SHANK2: variants seen among roughly 807,000 people sequenced by gnomAD.
SHANK2 encodes the protein SH3 and multiple ankyrin repeat domains 2.
Under a neutral mutation model 133.7 loss-of-function variants are expected in SHANK2, and 43 were observed. That is an observed-to-expected ratio of 0.32 (90% CI 0.25 to 0.41). The LOEUF (loss-of-function observed/expected upper bound fraction) is 0.41, where lower values mean the gene tolerates loss of function less well. SHANK2 is among the 10% of genes least tolerant of loss of function. The pLI is 1.00. For missense variants in SHANK2, 1,994 were observed against 2,235.8 expected (o/e 0.89, Z 2.18); for synonymous variants, 1,017 against 952.8 (o/e 1.07, Z -1.24).
In SHANK2 at chr11:70,515,637, G is replaced by GAAAAAAAAAA. The variant is rs58440823; in HGVS notation, c.2062-12716_2062-12707dup. Among the ~76,000 whole-genome samples the GAAAAAAAAAA allele has an allele frequency of 1.4e-3, 112 of 79,954 alleles. 3 individuals carry two copies. Among genetic ancestry groups the GAAAAAAAAAA allele is most frequent in the African/African-American group, 5.7e-3 (106 of 18,444 alleles). The allele number at this position is 79,954 out of a possible 152,430, so 52.5% of individuals were successfully genotyped here. On this transcript the variant is annotated intron_variant, in intron 17 of 25. Transcript: ENST00000601538. ...GCAGCATAGTGAGACCTCGTTCCTT[G>GAAAAAAAAAA]AAAAAAAAAAAAAAAAAAAAAAACA... is the stretch of plus-strand genomic sequence containing the variant.
At chr11:70,492,119 G>A (rs571475803) in intron 22 of SHANK2, among the ~76,000 whole-genome samples, 15 of 152,320 alleles carry the variant, frequency 9.8e-5, no homozygotes, top group East Asian at 3.9e-4. Flanking sequence ...CTGAGTGAGC[G>A]GTAAGGGCAG....
intron 1 of SHANK2, among the ~76,000 whole-genome samples, chr11:71,246,263 G>A (rs909674306): frequency 4.4e-4 from 67 of 152,172 alleles, no homozygotes; most frequent in African/African-American, 1.5e-3. Flanking sequence ...AGTGGACCAG[G>A]GAGCAGACTG....
chr11:70,757,340 G>C lies in SHANK2; in HGVS notation c.1777+41103C>G, dbSNP rs931858067. On this transcript the variant is annotated intron_variant, in intron 14 of 25. Coordinates refer to ENST00000601538, the MANE Select transcript of SHANK2 (RefSeq NM_012309.5). ...CAACCATATCAACCCATGCAGATAA[G>C]AGTGAGCATAGCAGGCCTGTGGCTG... 2.0e-5 allele frequency among the ~76,000 whole-genome samples: 3 copies of C among 152,230 alleles called. 1 individual carries two copies. Among genetic ancestry groups the C allele is most frequent in the South Asian group, 4.1e-4 (2 of 4,832 alleles).
intron 7 of SHANK2, among the ~76,000 whole-genome samples, chr11:71,093,234 T>G (rs937206108): frequency 6.6e-6 from 1 of 152,310 alleles, no homozygotes; most frequent in East Asian, 1.9e-4. Flanking sequence ...ATACAGTGAC[T>G]GCAACATTTG....
intron 17 of SHANK2, among the ~76,000 whole-genome samples, chr11:70,520,666 G>C (rs782091129): frequency 9.2e-5 from 14 of 152,098 alleles, no homozygotes; most frequent in Non-Finnish European, 1.8e-4. Context: ...ACACCTAAGG[G>C]GTGGGGAGTT....
At chr11:70,622,650 T>C (rs1267701424) in intron 17 of SHANK2, among the ~76,000 whole-genome samples, 3 of 152,234 alleles carry the variant, frequency 2.0e-5, no homozygotes, top group Non-Finnish European at 4.4e-5. Flanking sequence ...CTTCTGCTCA[T>C]GATCTCAAGA....
At chr11:70,637,673 G>A (rs996956686) in intron 17 of SHANK2, among the ~76,000 whole-genome samples, 3 of 152,226 alleles carry the variant, frequency 2.0e-5, no homozygotes, top group Non-Finnish European at 2.9e-5. Context: ...TGAGGCTGGC[G>A]CCCTGGCGAG....
At chr11:70,506,167 C>T (rs2059134253) in intron 17 of SHANK2, among the ~76,000 whole-genome samples, 1 of 152,172 alleles carries the variant, frequency 6.6e-6, no homozygotes, top group South Asian at 2.1e-4. Context: ...CCTTGGCGGC[C>T]CCAGCACCTT....
rs3837380 is a variant in SHANK2, at chr11:70,661,500, TACACACACACACAC to T, written c.1936+82_1936+95del. ...GGGGAACGTTTTTCATGCAGGCGTA[TACACACACACACAC>T]ACACACACACACACACACACACACA... On this transcript the variant is annotated intron_variant, in intron 16 of 25. Coordinates refer to ENST00000601538, the MANE Select transcript of SHANK2 (RefSeq NM_012309.5). The T allele has an allele frequency of 1.8e-3, 1,960 of 1,063,384 alleles. 10 individuals are homozygous for T. The highest frequency in any genetic ancestry group is 0.016 in the African/African-American group (904 of 54,898). 65.9% of individuals were successfully genotyped at this position (1,063,384 alleles called of 1,614,324 possible). A position where few individuals can be genotyped will look rare whatever the true frequency, so the allele number is the denominator to read the frequency against.
intron 14 of SHANK2, among the ~76,000 whole-genome samples, chr11:70,752,748 C>CGTG (rs1565292396): frequency 6.6e-6 from 1 of 150,738 alleles, no homozygotes; most frequent in African/African-American, 2.4e-5. Context: ...ACACGCCAGT[C>CGTG]GTGAATAACC....
At chr11:70,640,312 C>T (rs561971868) in intron 17 of SHANK2, among the ~76,000 whole-genome samples, 8 of 152,226 alleles carry the variant, frequency 5.3e-5, no homozygotes, top group South Asian at 2.1e-4. Context: ...GACACAGAAT[C>T]GCAGAGAGGA....
chr11:70,508,893 G>A (rs2059165624), intron 17 of SHANK2, among the ~76,000 whole-genome samples: 2 of 152,184 alleles, frequency 1.3e-5, no homozygotes, highest in African/African-American at 4.8e-5. Flanking sequence ...TGTCTCAAAA[G>A]AAAGAGAGTC....
At chr11:71,133,265 G>T (rs1952358852) in intron 3 of SHANK2, among the ~76,000 whole-genome samples, 2 of 151,268 alleles carry the variant, frequency 1.3e-5, no homozygotes, top group African/African-American at 4.9e-5. Flanking sequence ...TGGATGGATG[G>T]ATGGATGGAT....
chr11:70,863,526 T>G, intron 11 of SHANK2: 1 of 458,012 alleles, frequency 2.2e-6, no homozygotes, highest in South Asian at 1.5e-5. Flanking sequence ...CCTGCTCCCA[T>G]GCAAATCCTC....
chr11:70,514,698 G>C (rs77038591), intron 17 of SHANK2, among the ~76,000 whole-genome samples: 1,783 of 152,218 alleles, frequency 0.012, 47 homozygotes, highest in African/African-American at 0.041. Flanking sequence ...TGTAATCCTT[G>C]ATCCACTGCT....
chr11:71,061,971 C>CTTTTTTT (rs1216736346), intron 9 of SHANK2, among the ~76,000 whole-genome samples: 62 of 109,558 alleles, frequency 5.7e-4, no homozygotes, highest in African/African-American at 1.0e-3. Flanking sequence ...GTCTTTCTTT[C>CTTTTTTT]TTTTTTTTTT....
chr11:71,085,140 A>G (rs1951360581), intron 8 of SHANK2, among the ~76,000 whole-genome samples: 1 of 152,072 alleles, frequency 6.6e-6, no homozygotes, highest in Non-Finnish European at 1.5e-5. Context: ...TGTTTTAATG[A>G]TATCAGTGAC....
chr11:70,828,108 G>A (rs544683123), intron 11 of SHANK2, among the ~76,000 whole-genome samples: 1 of 152,240 alleles, frequency 6.6e-6, no homozygotes, highest in Non-Finnish European at 1.5e-5. Context: ...GTGAGACCCC[G>A]TTTCCATGAA....
intron 17 of SHANK2, among the ~76,000 whole-genome samples, chr11:70,517,483 G>C (rs782526795): frequency 6.6e-5 from 10 of 152,140 alleles, no homozygotes; most frequent in Admixed American, 3.3e-4. Flanking sequence ...AGAGGTGAGT[G>C]GACAAACACA....
Sources: gnomAD v4.1 joint callset for allele counts (sites outside exome capture counted in the v4.1 genomes callset) on GRCh38, gnomAD v4.1.1 for gene constraint, MANE v1.5 for transcripts, NCBI Gene and HGNC (gene_info 2026-07-23, HGNC 2026-07-21) for gene names.